SRGAP2B: variants seen among roughly 807,000 people sequenced by gnomAD.
The protein encoded by SRGAP2B is SLIT-ROBO Rho GTPase activating protein 2B, also known as SLIT-ROBO Rho GTPase-activating protein 2B.
A neutral mutation model predicts 22.2 loss-of-function variants in SRGAP2B; 9 were observed. That is an observed-to-expected ratio of 0.41 (90% CI 0.24 to 0.71). SRGAP2B has a LOEUF of 0.71. Among genes scored for constraint, SRGAP2B ranks in the 30% least tolerant of loss-of-function variants. SRGAP2B has a pLI of 0.35. For synonymous variants in SRGAP2B, 36 were observed against 87.4 expected (o/e 0.41, Z 3.28); for missense variants, 114 against 235.8 (o/e 0.48, Z 3.38).
In SRGAP2B at chr1:144,996,240, C is replaced by A. The variant is rs1488463899; in HGVS notation, c.68-1040G>T. Among the ~76,000 whole-genome samples the A allele has an allele frequency of 6.7e-5, 10 of 150,296 alleles. No individual in the cohort carries two copies. In the South Asian group the frequency reaches 8.4e-4, roughly 13 times the overall value. On this transcript the variant is annotated intron_variant, in intron 2 of 9. Coordinates refer to ENST00000612199, the Ensembl canonical transcript of SRGAP2B. ...CTCAGAGAAGGCTTGCAGTGTGTAT[C>A]CTGCTGAAGTTATGTCCCAATCCCC...
rs149192587 is a variant in SRGAP2B, at chr1:145,020,030, G to A, written c.68-24830C>T. Among the ~76,000 whole-genome samples, 785 of 150,668 alleles carry A rather than the reference G, an allele frequency of 5.2e-3. 28 individuals carry two copies. The highest frequency in any genetic ancestry group is 0.019 in the African/African-American group (748 of 40,430). Reference sequence around the variant, plus strand: ...GAAATGCCCTTCCCCCAATATCCACGTGGCTTACACTCTTACCTCCTTTAA... The same window carrying A: ...GAAATGCCCTTCCCCCAATATCCACATGGCTTACACTCTTACCTCCTTTAA... On this transcript the variant is annotated intron_variant, in intron 2 of 9. Coordinates refer to ENST00000612199, the Ensembl canonical transcript of SRGAP2B.
In SRGAP2B at chr1:144,966,225, T is replaced by G. The variant is rs1488072975; in HGVS notation, c.261-10624A>C. On this transcript the variant is annotated intron_variant, in intron 3 of 9. Coordinates refer to ENST00000612199, the Ensembl canonical transcript of SRGAP2B. ...AAAGTTGAAATGAAGGAAAAAATGT[T>G]AAGGGCAGCCAGAGAGAAAGGTCGG... Among the ~76,000 whole-genome samples the G allele has an allele frequency of 5.7e-4, 86 of 149,610 alleles. 5 individuals carry two copies. The highest frequency in any genetic ancestry group is 2.1e-3 in the African/African-American group (84 of 39,398).
rs1662978646 is a variant in SRGAP2B at position 144,906,165 on chromosome 1, C to T, written c.487-91G>A. The stretch of plus-strand genomic sequence containing the variant: ...GACTAACAGACTCAGCTGGAGCTCT[C>T]CCCCATGAAGCAATATCCTCACACC... On this transcript the variant is annotated intron_variant, in intron 5 of 9. Coordinates refer to ENST00000612199, the Ensembl canonical transcript of SRGAP2B. 21 of 695,198 alleles carry T rather than the reference C, an allele frequency of 3.0e-5. 1 individual carries two copies. In the South Asian group the frequency reaches 3.1e-4, roughly 10 times the overall value. 43.1% of individuals were successfully genotyped at this position (695,198 alleles called of 1,614,324 possible). A position where few individuals can be genotyped will look rare whatever the true frequency, so the allele number is the denominator to read the frequency against.
intron 3 of SRGAP2B, among the ~76,000 whole-genome samples, chr1:144,956,977 G>C (rs1206534024): frequency 8.0e-5 from 12 of 150,476 alleles, no homozygotes; most frequent in Non-Finnish European, 1.8e-4. Flanking sequence ...TGATGAGGTG[G>C]GTGTTATTAA....
intron 6 of SRGAP2B, 55 bp downstream of exon 6, chr1:144,905,804 C>A: frequency 5.6e-6 from 4 of 708,724 alleles, no homozygotes; most frequent in Non-Finnish European, 7.8e-6. Context: ...TTCCTATCAG[C>A]CATGCCTTAC....
intron 4 of SRGAP2B, among the ~76,000 whole-genome samples, chr1:144,943,549 G>T (rs1666232642): frequency 1.4e-5 from 2 of 146,364 alleles, no homozygotes; most frequent in African/African-American, 2.6e-5. Flanking sequence ...AACAAGGAGA[G>T]GGAGAAGGAA....
chr1:145,058,230 G>A (rs1553630771), intron 2 of SRGAP2B, among the ~76,000 whole-genome samples: 1 of 149,230 alleles, frequency 6.7e-6, no homozygotes, highest in East Asian at 2.0e-4. Context: ...CACTAAGGTG[G>A]TATGGGATAG....
chr1:145,044,175 T>C (rs1370049496), intron 2 of SRGAP2B, among the ~76,000 whole-genome samples: 1 of 120,814 alleles, frequency 8.3e-6, no homozygotes, highest in East Asian at 2.2e-4. Flanking sequence ...GCTGACTCCA[T>C]GTATGGTGCA....
At chr1:145,064,903 C>CCT (rs1651324089) in intron 2 of SRGAP2B, among the ~76,000 whole-genome samples, 1 of 145,032 alleles carries the variant, frequency 6.9e-6, no homozygotes, top group African/African-American at 2.6e-5. Flanking sequence ...CTGTGGCCAC[C>CCT]TGAGGGGCTT....
chr1:144,914,062 AC>A (rs1553603346), intron 5 of SRGAP2B, among the ~76,000 whole-genome samples: 3 of 150,900 alleles, frequency 2.0e-5, no homozygotes, highest in African/African-American at 7.3e-5. Context: ...CGCACCAGCC[AC>A]AGGCATCATG....
intron 2 of SRGAP2B, among the ~76,000 whole-genome samples, chr1:145,044,712 A>G (rs1461255059): frequency 1.2e-4 from 8 of 68,766 alleles, no homozygotes; most frequent in Admixed American, 5.4e-4. Flanking sequence ...AGAAAAAGCA[A>G]GACAAGACAG....
intron 2 of SRGAP2B, among the ~76,000 whole-genome samples, chr1:145,022,111 A>AC (rs1270535189): frequency 7.3e-6 from 1 of 136,972 alleles, no homozygotes; most frequent in Non-Finnish European, 1.5e-5. Flanking sequence ...CCTAAGGAAA[A>AC]CCCCAGAAAG....
At chr1:145,023,045 G>C (rs1478120387) in intron 2 of SRGAP2B, among the ~76,000 whole-genome samples, 1 of 149,696 alleles carries the variant, frequency 6.7e-6, no homozygotes, top group Non-Finnish European at 1.5e-5. Flanking sequence ...CGTGCCTATA[G>C]TCTCAGCTAC....
Position 144,924,480 on chromosome 1 carries a change from C to T in SRGAP2B, c.424-9726G>A, listed in dbSNP as rs368098786. Among the ~76,000 whole-genome samples the T allele has an allele frequency of 2.8e-4, 42 of 149,168 alleles. No individual in the cohort carries two copies. In the South Asian group the frequency reaches 7.7e-3, roughly 27 times the overall value. ...ATCTGGCCGGGCGCGGTGGCTCACG[C>T]CTGTAATCCCAGCACTTTGGGAGGC... On this transcript the variant is annotated intron_variant, in intron 4 of 9. Transcript: ENST00000612199.
At chr1:144,988,999 C>CTTTTTT (rs3062880) in intron 3 of SRGAP2B, among the ~76,000 whole-genome samples, 2 of 55,076 alleles carry the variant, frequency 3.6e-5, no homozygotes, top group African/African-American at 8.6e-5. Flanking sequence ...ACTCCCCCCA[C>CTTTTTT]TTTTTTTTTT....
chr1:145,015,572 G>T (rs1374830811), intron 2 of SRGAP2B, among the ~76,000 whole-genome samples: 1 of 149,184 alleles, frequency 6.7e-6, no homozygotes, highest in Non-Finnish European at 1.5e-5. Context: ...GATGCTGTAG[G>T]AGTATACAGA....
At chr1:145,035,938 CAAAA>C (rs587600117) in intron 2 of SRGAP2B, among the ~76,000 whole-genome samples, 7 of 92,196 alleles carry the variant, frequency 7.6e-5, no homozygotes, top group East Asian at 3.2e-4. Flanking sequence ...TTTCAGAAGA[CAAAA>C]AAAAAAAAAA....
chr1:145,089,064 T>G (rs1553635929), intron 2 of SRGAP2B, among the ~76,000 whole-genome samples: 2 of 151,336 alleles, frequency 1.3e-5, no homozygotes, highest in African/African-American at 4.9e-5. Flanking sequence ...GAAGGATGTG[T>G]GTACATAGGT....
At chr1:145,068,257 C>T (rs1480379853) in intron 2 of SRGAP2B, among the ~76,000 whole-genome samples, 1 of 149,176 alleles carries the variant, frequency 6.7e-6, no homozygotes, top group African/African-American at 2.5e-5. Context: ...GCAGGGACTT[C>T]CTCAGTCTTG....
Sources: gnomAD v4.1 joint callset for allele counts (sites outside exome capture counted in the v4.1 genomes callset) on GRCh38, gnomAD v4.1.1 for gene constraint, MANE v1.5 for transcripts, NCBI Gene and HGNC (gene_info 2026-07-23, HGNC 2026-07-21) for gene names.